The following SDK1 variants were observed in gnomAD, a reference collection of about 807,000 sequenced individuals.
The protein encoded by SDK1 is sidekick cell adhesion molecule 1, also known as protein sidekick-1.
Under a neutral mutation model 245.5 loss-of-function variants are expected in SDK1, and 157 were observed. That is an observed-to-expected ratio of 0.64 (90% CI 0.56 to 0.73). The LOEUF (loss-of-function observed/expected upper bound fraction) is 0.73. Ranked by LOEUF, SDK1 falls within the 30% of genes least tolerant of loss-of-function variation. The pLI is 0.00. For missense variants in SDK1, 3,583 were observed against 3,002.3 expected (o/e 1.19, Z -4.52); for synonymous variants, 1,647 against 1,278.5 (o/e 1.29, Z -6.15).
intron 22 of SDK1, among the ~76,000 whole-genome samples, chr7:4,100,701 A>G (rs560776452): frequency 3.3e-5 from 5 of 151,964 alleles, no homozygotes; most frequent in African/African-American, 1.2e-4. Flanking sequence ...GAGGAAATGA[A>G]CTCCCATTGC....
At chr7:4,072,360 C>G (rs1227155968) in intron 20 of SDK1, among the ~76,000 whole-genome samples, 2 of 152,302 alleles carry the variant, frequency 1.3e-5, no homozygotes, top group Middle Eastern at 3.4e-3. Context: ...TTCCTGCTCA[C>G]TGTAATGTGC....
chr7:3,799,250 C>G (rs1176255140), intron 4 of SDK1, among the ~76,000 whole-genome samples: 1 of 152,054 alleles, frequency 6.6e-6, no homozygotes, highest in Non-Finnish European at 1.5e-5. Context: ...TGTGTTAAAT[C>G]TTCCAACTGA....
chr7:3,874,414 G>C (rs1046250448), intron 5 of SDK1, among the ~76,000 whole-genome samples: 3 of 151,970 alleles, frequency 2.0e-5, no homozygotes, highest in African/African-American at 4.8e-5. Flanking sequence ...GTGTGTGCAG[G>C]TCATGTGTGT....
At chr7:3,612,755 A>C (rs1300766023) in intron 1 of SDK1, among the ~76,000 whole-genome samples, 1 of 152,170 alleles carries the variant, frequency 6.6e-6, no homozygotes. Flanking sequence ...GGAGTTCAGT[A>C]ATAACCTGCC....
intron 1 of SDK1, among the ~76,000 whole-genome samples, chr7:3,504,341 G>C (rs1782320936): frequency 6.6e-6 from 1 of 151,610 alleles, no homozygotes; most frequent in Non-Finnish European, 1.5e-5. Context: ...TAATACAAGG[G>C]ACCCAGAATG....
intron 25 of SDK1, among the ~76,000 whole-genome samples, chr7:4,120,465 G>T (rs7798543): frequency 6.7e-6 from 1 of 148,678 alleles, no homozygotes; most frequent in Admixed American, 6.7e-5. Flanking sequence ...TAATAATCTC[G>T]AAGGAGCTAA....
intron 4 of SDK1, among the ~76,000 whole-genome samples, chr7:3,665,027 A>G (rs1195448459): frequency 6.6e-6 from 1 of 152,170 alleles, no homozygotes; most frequent in Non-Finnish European, 1.5e-5. Context: ...TAACTCAGAG[A>G]TCCTTGAGTT....
At chr7:3,306,813 T>TCTGC (rs765161856) in intron 1 of SDK1, among the ~76,000 whole-genome samples, 3 of 152,216 alleles carry the variant, frequency 2.0e-5, no homozygotes, top group Non-Finnish European at 2.9e-5. Context: ...GTAGTGTCTT[T>TCTGC]CTGCCTGCCT....
intron 32 of SDK1, among the ~76,000 whole-genome samples, chr7:4,173,952 CATTTGAGG>C (rs1782012877): frequency 6.6e-6 from 1 of 152,182 alleles, no homozygotes; most frequent in South Asian, 2.1e-4. Flanking sequence ...CCTGGGGGCT[CATTTGAGG>C]ATTTGAGCTG....
intron 4 of SDK1, among the ~76,000 whole-genome samples, chr7:3,644,992 CA>C (rs1266402214): frequency 1.2e-5 from 1 of 86,686 alleles, no homozygotes; most frequent in Non-Finnish European, 3.1e-5. Flanking sequence ...TAATTAACGT[CA>C]GTGGCAGCAA....
chr7:3,358,854 C>T (rs1780877682), intron 1 of SDK1, among the ~76,000 whole-genome samples: 1 of 152,122 alleles, frequency 6.6e-6, no homozygotes, highest in Non-Finnish European at 1.5e-5. Flanking sequence ...CTATTATTTC[C>T]TCTTTTCAAT....
At chr7:3,781,623 C>G (rs1780741167) in intron 4 of SDK1, among the ~76,000 whole-genome samples, 1 of 151,898 alleles carries the variant, frequency 6.6e-6, no homozygotes, top group Non-Finnish European at 1.5e-5. Context: ...GAATAGTACT[C>G]ATAAAGAAGT....
intron 4 of SDK1, among the ~76,000 whole-genome samples, chr7:3,673,695 G>C (rs1783794002): frequency 1.3e-5 from 2 of 152,156 alleles, no homozygotes; most frequent in African/African-American, 4.8e-5. Context: ...CTCAGTCATT[G>C]ACCTGGAGGG....
At position 3,740,372 on chromosome 7, in the gene SDK1, A is replaced by G. The variant is rs1394234013; in HGVS notation, c.714-81078A>G. Among the ~76,000 whole-genome samples, 4 of 152,032 alleles carry G rather than the reference A, an allele frequency of 2.6e-5. No homozygotes were observed. The East Asian group carries it at 5.8e-4, about 22-fold the overall frequency. ...GGCCATGTCATTCTCCAGTTTTTCC[A>G]TTTAAGGTTTTTGGTCTGTTGCTTG... On this transcript the variant is annotated intron_variant, in intron 4 of 44. Transcript: ENST00000404826.
At chr7:3,628,056 G>A (rs777182488) in intron 2 of SDK1, among the ~76,000 whole-genome samples, 1 of 152,024 alleles carries the variant, frequency 6.6e-6, no homozygotes, top group Admixed American at 6.6e-5. Flanking sequence ...TGCTTGGAAG[G>A]CTCTTCCTTA....
Position 4,026,354 on chromosome 7 carries a change from G to A in SDK1, c.2602+9002G>A, listed in dbSNP as rs983125777. On this transcript the variant is annotated intron_variant, in intron 17 of 44. Transcript: ENST00000404826. This position sits in a 1 kb window ranked among gnomAD's most constrained non-coding sequence, Gnocchi z 4.1. The stretch of plus-strand genomic sequence containing the variant: ...CTTGGGCCCATGTTTTAGAAGCTCA[G>A]CGTTTGGCATGGGCGAAGATATATT... 6.6e-6 allele frequency among the ~76,000 whole-genome samples: 1 copy of A among 152,252 alleles called. No homozygotes were observed. Among genetic ancestry groups the A allele is most frequent in the African/African-American group, 2.4e-5 (1 of 41,468 alleles).
chr7:4,029,798 A>G (rs753331202), intron 17 of SDK1, among the ~76,000 whole-genome samples: 2 of 152,236 alleles, frequency 1.3e-5, no homozygotes, highest in Non-Finnish European at 2.9e-5. Context: ...CAGGTGTCAC[A>G]GCTAAGGGGG....
chr7:3,773,223 C>G (rs1562432664), intron 4 of SDK1, among the ~76,000 whole-genome samples: 1 of 152,054 alleles, frequency 6.6e-6, no homozygotes, highest in Non-Finnish European at 1.5e-5. Flanking sequence ...TTGCTCTGTT[C>G]ACTTTTCTTC....
Position 3,701,803 on chromosome 7 carries a change from A to G in SDK1, c.713+59698A>G, listed in dbSNP as rs186730357. 1.3e-3 allele frequency among the ~76,000 whole-genome samples: 198 copies of G among 152,194 alleles called. 1 individual carries two copies. Among genetic ancestry groups the G allele is most frequent in the African/African-American group, 4.6e-3 (192 of 41,534 alleles). On this transcript the variant is annotated intron_variant, in intron 4 of 44. Transcript: ENST00000404826. The stretch of plus-strand genomic sequence containing the variant: ...ATGAATCAATGGAACAGAATGGGGA[A>G]CATAGAAATAGGCCCACATAAGTAC...
Sources: allele counts gnomAD v4.1 joint callset (sites outside exome capture counted in the v4.1 genomes callset), GRCh38; gene constraint gnomAD v4.1.1; non-coding constraint Gnocchi (gnomAD v3.1); transcripts MANE v1.5; gene names NCBI Gene and HGNC (gene_info 2026-07-23, HGNC 2026-07-21).